Variants in SOX6 observed in about 807,000 individuals in gnomAD.
SOX6 encodes the protein SRY-box transcription factor 6.
Under a neutral mutation model 97.8 loss-of-function variants are expected in SOX6, and 11 were observed. The ratio of observed to expected loss-of-function variants is 0.11; its 90% confidence interval spans 0.07 to 0.19. SOX6 has a LOEUF of 0.19. SOX6 is among the 10% of genes least tolerant of loss of function. The pLI is 1.00. For missense variants in SOX6, 810 were observed against 1,039.5 expected (o/e 0.78, Z 3.04); for synonymous variants, 360 against 371.4 (o/e 0.97, Z 0.35).
rs1848304070 is a variant in SOX6, at chr11:16,726,037, G to A, written n.353+10302C>T. On this transcript the variant is annotated intron_variant and non_coding_transcript_variant, in intron 2 of 5. Coordinates refer to the SOX6 transcript ENST00000524520. ...AGAGTTAAATTTAAACCTTAGCTGG[G>A]AAAAGGTCTATTTCAGGTTCTTCTA... Among the ~76,000 whole-genome samples the A allele has an allele frequency of 2.6e-5, 4 of 152,264 alleles. No individual in the cohort carries two copies. The South Asian group carries it at 8.3e-4, about 32-fold the overall frequency.
chr11:16,547,918 C>T (rs1316489711), intron 4 of SOX6, among the ~76,000 whole-genome samples: 2 of 151,970 alleles, frequency 1.3e-5, no homozygotes, highest in Non-Finnish European at 2.9e-5. Flanking sequence ...TATGTATCAA[C>T]AGCAATTGTT....
At chr11:16,315,424 T>C (rs971324805) in intron 3 of SOX6, 1 of 152,162 alleles carries the variant, frequency 6.6e-6, no homozygotes, top group Non-Finnish European at 1.5e-5. Flanking sequence ...TACTATGTAG[T>C]CCTTGAAAAG....
intron 4 of SOX6, among the ~76,000 whole-genome samples, chr11:16,587,386 C>T (rs1237953162): frequency 6.6e-6 from 1 of 152,034 alleles, no homozygotes; most frequent in African/African-American, 2.4e-5. Flanking sequence ...AAATAATAAT[C>T]ACTAATGTTT....
rs572666227 is a variant in SOX6, at chr11:16,455,964, C to T, written c.-5+20351G>A. Reference sequence around the variant, plus strand: ...TAAAATGTCAAAATAGGTACTTCACCTGAACTTTTTAATGAATGGGCAACT... The same window carrying T: ...TAAAATGTCAAAATAGGTACTTCACTTGAACTTTTTAATGAATGGGCAACT... On this transcript the variant is annotated intron_variant, in intron 1 of 15. Transcript: ENST00000396356. Among the ~76,000 whole-genome samples, 175 of 152,012 alleles carry T rather than the reference C, an allele frequency of 1.2e-3. 1 individual carries two copies. Among genetic ancestry groups the T allele is most frequent in the South Asian group, 7.7e-3 (37 of 4,820 alleles).
At chr11:16,497,069 G>T (rs957577480) in intron 4 of SOX6, among the ~76,000 whole-genome samples, 1 of 152,172 alleles carries the variant, frequency 6.6e-6, no homozygotes, top group Admixed American at 6.5e-5. Context: ...GGCACCCCCA[G>T]TAGGGGCAGA....
chr11:16,249,922 T>A (rs1219253939), intron 3 of SOX6, among the ~76,000 whole-genome samples: 2 of 152,230 alleles, frequency 1.3e-5, no homozygotes, highest in African/African-American at 4.8e-5. Context: ...AGAATATTAC[T>A]TTTTAAAAGG....
At chr11:16,445,038 G>C (rs1042920118) in intron 1 of SOX6, among the ~76,000 whole-genome samples, 10 of 152,110 alleles carry the variant, frequency 6.6e-5, no homozygotes, top group African/African-American at 2.4e-4. Flanking sequence ...AAATTAATTT[G>C]TCACCTTAAT....
intron 3 of SOX6, among the ~76,000 whole-genome samples, chr11:16,629,237 T>C (rs1248115615): frequency 6.6e-6 from 1 of 152,202 alleles, no homozygotes; most frequent in East Asian, 1.9e-4. Flanking sequence ...TGGTGCGTAA[T>C]AGATGGGTCT....
At chr11:16,038,388 T>C (rs1011689831) in intron 12 of SOX6, among the ~76,000 whole-genome samples, 1 of 151,998 alleles carries the variant, frequency 6.6e-6, no homozygotes, top group Admixed American at 6.6e-5. Context: ...CCTTTGCTCT[T>C]ATCAACAAAC....
At chr11:16,324,396 T>C (rs1404377675) in intron 2 of SOX6, among the ~76,000 whole-genome samples, 1 of 152,138 alleles carries the variant, frequency 6.6e-6, no homozygotes, top group Non-Finnish European at 1.5e-5. Context: ...TGAATAACTA[T>C]AGGCAACCTA....
At chr11:16,262,782 CAAT>C (rs1376069962) in intron 3 of SOX6, among the ~76,000 whole-genome samples, 1 of 151,980 alleles carries the variant, frequency 6.6e-6, no homozygotes, top group Non-Finnish European at 1.5e-5. Flanking sequence ...GAGTTCAGAT[CAAT>C]GATGCATTTA....
chr11:16,046,891 T>TAA (rs1318665793), intron 11 of SOX6, among the ~76,000 whole-genome samples, 190 bp from the exon 12 acceptor site: 1 of 152,186 alleles, frequency 6.6e-6, no homozygotes, highest in Non-Finnish European at 1.5e-5. Flanking sequence ...TGGGTTCTTT[T>TAA]AGCCCTTGGA....
At chr11:16,264,582 A>T (rs1854012948) in intron 3 of SOX6, 1 of 151,816 alleles carries the variant, frequency 6.6e-6, no homozygotes, top group Admixed American at 6.6e-5. Context: ...TTCAGGGTAA[A>T]TTCCAAGAAG....
chr11:16,608,941 CAT>C (rs1311570775), intron 4 of SOX6, among the ~76,000 whole-genome samples: 1 of 152,054 alleles, frequency 6.6e-6, no homozygotes, highest in Non-Finnish European at 1.5e-5. Context: ...CCCAGGATGA[CAT>C]ATAAAAATGC....
In SOX6 at chr11:16,605,209, G is replaced by A. The variant is rs944660964; in HGVS notation, n.609+6872C>T. ...GCCCCGGCAGGGCGCCGAGAAGGAC[G>A]GAGGGCGCCGGCTGGGCTCAGGGAC... On this transcript the variant is annotated intron_variant and non_coding_transcript_variant, in intron 4 of 5. Coordinates refer to the SOX6 transcript ENST00000524520. The surrounding 1 kb of genome is among the most constrained non-coding windows in gnomAD (Gnocchi z 5.3). Among the ~76,000 whole-genome samples the A allele has an allele frequency of 1.3e-5, 2 of 151,976 alleles. No individual in the cohort carries two copies. The highest frequency in any genetic ancestry group is 4.8e-5 in the African/African-American group (2 of 41,386).
At chr11:16,242,885 T>C (rs545401854) in intron 3 of SOX6, among the ~76,000 whole-genome samples, 1 of 151,998 alleles carries the variant, frequency 6.6e-6, no homozygotes, top group Admixed American at 6.6e-5. Context: ...CCTTTATAGT[T>C]TGACCCTGCT....
chr11:16,313,179 C>T (rs1855657894), intron 3 of SOX6: 1 of 152,172 alleles, frequency 6.6e-6, no homozygotes, highest in Non-Finnish European at 1.5e-5. Flanking sequence ...GCAGATTAAA[C>T]ACTGGACAAT....
intron 6 of SOX6, among the ~76,000 whole-genome samples, chr11:16,147,959 A>G (rs1203184566): frequency 6.6e-6 from 1 of 152,186 alleles, no homozygotes. Flanking sequence ...CTTTCAAAGG[A>G]GATTAACCAT....
Position 15,972,814 on chromosome 11 carries a change from T to G in SOX6, c.2482A>C (p.Asn828His). Residue 828 changes from asparagine to histidine, a missense_variant, in exon 16 of 16, where the codon AAC becomes CAC. This residue lies in a region of SOX6 where 122 missense variants were observed against 153.4 expected (regional missense o/e 0.80). Transcript: ENST00000683767. ...ENEAPEAVSA[N>H] Reference sequence around the variant, plus strand: ...ATTCAGCAAACAAAAACTCCTCAGTTGGCACTGACAGCCTCCGGGGCTTCA... The same window carrying G: ...ATTCAGCAAACAAAAACTCCTCAGTGGGCACTGACAGCCTCCGGGGCTTCA... 1 of 1,614,170 alleles carries G rather than the reference T, an allele frequency of 6.2e-7. No homozygotes were observed. The highest frequency in any genetic ancestry group is 1.3e-5 in the African/African-American group (1 of 75,048).
Sources: gnomAD v4.1 joint callset for allele counts (sites outside exome capture counted in the v4.1 genomes callset) on GRCh38, gnomAD v4.1.1 for gene constraint, gnomAD v4.1.1 regional missense constraint, Gnocchi (gnomAD v3.1) non-coding constraint, MANE v1.5 for transcripts, NCBI Gene and HGNC (gene_info 2026-07-23, HGNC 2026-07-21) for gene names.